The following GCH1 variants were observed in gnomAD, a reference collection of about 807,000 sequenced individuals.
GCH1 encodes the protein GTP cyclohydrolase I.
A neutral mutation model predicts 25.9 loss-of-function variants in GCH1; 5 were observed. That is an observed-to-expected ratio of 0.19 (90% CI 0.10 to 0.41). The LOEUF (loss-of-function observed/expected upper bound fraction) is 0.41, where lower values mean the gene tolerates loss of function less well. GCH1 is among the 10% of genes least tolerant of loss of function. The pLI is 1.00. For missense variants in GCH1, 261 were observed against 336.5 expected (o/e 0.78, Z 1.75); for synonymous variants, 159 against 129.6 (o/e 1.23, Z -1.54).
At chr14:54,896,370 C>T (rs1319728515) in intron 1 of GCH1, among the ~76,000 whole-genome samples, 1 of 152,262 alleles carries the variant, frequency 6.6e-6, no homozygotes, top group South Asian at 2.1e-4. Flanking sequence ...CTTCTCCCTG[C>T]CATCCAGGTT....
At chr14:54,899,111 C>G (rs2040526027) in intron 1 of GCH1, among the ~76,000 whole-genome samples, 2 of 152,136 alleles carry the variant, frequency 1.3e-5, no homozygotes, top group Admixed American at 1.3e-4. Context: ...TGTGGTCCAT[C>G]ATTGAAGGAA....
chr14:54,902,669 C>G lies in GCH1; in HGVS notation c.-6G>C. 6.9e-7 allele frequency: 1 copy of G among 1,442,380 alleles called. No homozygotes were observed. The highest frequency in any genetic ancestry group is 1.5e-5 in the African/African-American group (1 of 66,952). 89.3% of individuals were successfully genotyped at this position (1,442,380 alleles called of 1,614,324 possible). ...CGCACAGGGCCCTTCTCCATGGACC[C>G]GCCGCAGCCGCTGCCGTTCGGGAAG... On this transcript the variant is annotated 5_prime_UTR_variant, in exon 1 of 6. Coordinates refer to ENST00000491895, the MANE Select transcript of GCH1 (RefSeq NM_000161.3).
intron 1 of GCH1, among the ~76,000 whole-genome samples, chr14:54,891,502 C>T (rs539547064): frequency 2.0e-5 from 3 of 151,608 alleles, no homozygotes; most frequent in South Asian, 4.2e-4. Flanking sequence ...CTCCGCCTCC[C>T]GGGTTCAAGT....
At chr14:54,875,373 G>C (rs1428545209) in intron 1 of GCH1, among the ~76,000 whole-genome samples, 1 of 152,086 alleles carries the variant, frequency 6.6e-6, no homozygotes, top group Admixed American at 6.6e-5. Context: ...AAAAACCCTA[G>C]AAGAAAACCT....
At chr14:54,862,379 C>CTTT (rs892910613) in intron 2 of GCH1, among the ~76,000 whole-genome samples, 52 of 57,368 alleles carry the variant, frequency 9.1e-4, no homozygotes, top group Non-Finnish European at 1.1e-3. Context: ...AAGCACTACT[C>CTTT]TTTTTTTTTT....
At chr14:54,877,496 CT>C (rs1053497296) in intron 1 of GCH1, among the ~76,000 whole-genome samples, 13 of 149,756 alleles carry the variant, frequency 8.7e-5, no homozygotes, top group African/African-American at 1.5e-4. Flanking sequence ...AGCCCAAGTG[CT>C]TTTTTTTTTC....
intron 1 of GCH1, among the ~76,000 whole-genome samples, chr14:54,873,578 T>G: frequency 6.6e-6 from 1 of 151,610 alleles, no homozygotes; most frequent in South Asian, 2.1e-4. Flanking sequence ...AAAAGATCAA[T>G]AAAATTGATA....
chr14:54,852,619 C>A (rs568217399), intron 3 of GCH1, among the ~76,000 whole-genome samples: 1 of 152,292 alleles, frequency 6.6e-6, no homozygotes, highest in Non-Finnish European at 1.5e-5. Flanking sequence ...TGGGTCCCAG[C>A]AAGGAATTTT....
chr14:54,845,933 T>C, intron 4 of GCH1, 81 bp from the exon 5 acceptor site: 1 of 831,914 alleles, frequency 1.2e-6, no homozygotes, highest in Non-Finnish European at 2.1e-6. Flanking sequence ...ACATTTGAAA[T>C]CTTAAAAATC....
At chr14:54,857,123 T>A (rs376861917) in intron 3 of GCH1, among the ~76,000 whole-genome samples, 4 of 152,354 alleles carry the variant, frequency 2.6e-5, no homozygotes, top group African/African-American at 9.6e-5. Context: ...GACTCTTTAT[T>A]CAAATTTTTT....
At chr14:54,867,218 A>G (rs936591851) in intron 1 of GCH1, among the ~76,000 whole-genome samples, 2 of 152,184 alleles carry the variant, frequency 1.3e-5, no homozygotes, top group South Asian at 4.1e-4. Context: ...AAAGAATGAG[A>G]GCGTCCCCAT....
intron 1 of GCH1, among the ~76,000 whole-genome samples, chr14:54,883,403 G>A (rs1416516174): frequency 2.8e-5 from 4 of 143,492 alleles, no homozygotes; most frequent in Admixed American, 7.0e-5. Context: ...AAAAAAGCCC[G>A]GTGCGGTGGC....
intron 5 of GCH1, 30 bp downstream of exon 5, chr14:54,845,738 T>C (rs781047698): frequency 3.3e-6 from 4 of 1,206,882 alleles, no homozygotes; most frequent in East Asian, 2.3e-5. Flanking sequence ...TGCACCATTA[T>C]GACGTTACTA....
At chr14:54,883,925 G>C (rs2040310782) in intron 1 of GCH1, among the ~76,000 whole-genome samples, 1 of 152,188 alleles carries the variant, frequency 6.6e-6, no homozygotes, top group African/African-American at 2.4e-5. Context: ...GAACCTCTAC[G>C]TGGTTCTTTT....
At chr14:54,877,755 A>G (rs1186101433) in intron 1 of GCH1, among the ~76,000 whole-genome samples, 1 of 151,870 alleles carries the variant, frequency 6.6e-6, no homozygotes, top group Admixed American at 6.6e-5. Flanking sequence ...TTGGCCTCCC[A>G]AAGTGCTGTG....
chr14:54,863,790 A>C (rs1364987682), intron 2 of GCH1, among the ~76,000 whole-genome samples: 1 of 152,150 alleles, frequency 6.6e-6, no homozygotes, highest in Non-Finnish European at 1.5e-5. Context: ...TAAGAAGAGA[A>C]AAGAAATGAG....
At chr14:54,867,854 C>T (rs1169337525) in intron 1 of GCH1, among the ~76,000 whole-genome samples, 4 of 152,062 alleles carry the variant, frequency 2.6e-5, no homozygotes, top group Non-Finnish European at 5.9e-5. Context: ...TATTGAGGTA[C>T]ATCAAAATTT....
intron 3 of GCH1, among the ~76,000 whole-genome samples, chr14:54,854,470 A>G (rs1004675900): frequency 1.3e-5 from 2 of 151,864 alleles, no homozygotes; most frequent in African/African-American, 4.8e-5. Context: ...CCCAAAATAC[A>G]CTCCAGATGG....
rs1695569667 is a variant in GCH1 at position 54,843,013 on chromosome 14, T to C, written c.*1004A>G. On this transcript the variant is annotated 3_prime_UTR_variant, in exon 6 of 6. Coordinates refer to ENST00000491895, the MANE Select transcript of GCH1 (RefSeq NM_000161.3). ...ATAATGTCTTCCACCGTCAGTTCAT[T>C]CTGTGCTCGTTCAGGTGCGTGGAAG... is the stretch of plus-strand genomic sequence containing the variant. 2.4e-6 allele frequency: 2 copies of C among 819,490 alleles called. No individual in the cohort carries two copies. The highest frequency in any genetic ancestry group is 2.2e-6 in the Non-Finnish European group (1 of 456,160). 50.8% of individuals were successfully genotyped at this position (819,490 alleles called of 1,614,324 possible).
Sources: allele counts gnomAD v4.1 joint callset (sites outside exome capture counted in the v4.1 genomes callset), GRCh38; gene constraint gnomAD v4.1.1; transcripts MANE v1.5; gene names NCBI Gene and HGNC (gene_info 2026-07-23, HGNC 2026-07-21).